The following PPP2R2A variants were observed in gnomAD, a reference collection of about 807,000 sequenced individuals.
The protein encoded by PPP2R2A is protein phosphatase 2 regulatory subunit Balpha.
A neutral mutation model predicts 53.2 loss-of-function variants in PPP2R2A; 9 were observed. The ratio of observed to expected loss-of-function variants is 0.17; its 90% CI spans 0.10 to 0.30. PPP2R2A has a LOEUF of 0.30. PPP2R2A is among the 10% of genes least tolerant of loss of function. The pLI is 1.00. For missense variants in PPP2R2A, 235 were observed against 534.6 expected, an observed-to-expected ratio of 0.44 and a Z score of 5.53; for synonymous variants, 169 against 174.2, an observed-to-expected ratio of 0.97 and a Z score of 0.23.
intron 1 of PPP2R2A, chr8:26,293,269 G>A: frequency 2.6e-6 from 4 of 1,535,144 alleles, no homozygotes; most frequent in Non-Finnish European, 3.5e-6. Context: ...TTTTCTCTTC[G>A]TTCTATGTTT....
At chr8:26,350,203 A>G (rs1437415840) in intron 3 of PPP2R2A, among the ~76,000 whole-genome samples, 1 of 152,108 alleles carries the variant, frequency 6.6e-6, no homozygotes, top group Middle Eastern at 3.2e-3. Flanking sequence ...AGCTGGGATT[A>G]CAGGCATGCA....
At chr8:26,325,455 C>T (rs912588188) in intron 2 of PPP2R2A, among the ~76,000 whole-genome samples, 1 of 152,140 alleles carries the variant, frequency 6.6e-6, no homozygotes, top group Non-Finnish European at 1.5e-5. Context: ...TCTTTTTCTT[C>T]CCAATCTTGG....
rs1805639059 is a variant in PPP2R2A, at chr8:26,370,900, T to A, written c.*487T>A. 1 of 155,876 alleles carries A rather than the reference T, an allele frequency of 6.4e-6. No individual in the cohort carries two copies. The highest frequency in any genetic ancestry group is 2.0e-4 in the South Asian group (1 of 5,060). 9.7% of individuals were successfully genotyped at this position (155,876 alleles called of 1,614,324 possible). A position where few individuals can be genotyped will look rare whatever the true frequency, so the allele number is the denominator to read the frequency against. ...CTCCTCTTCTGGCCTCCTGGACTGC[T>A]CCCCTTCATCTCTTACCCTTGCCCC... On this transcript the variant is annotated 3_prime_UTR_variant, in exon 10 of 10. Transcript: ENST00000380737. The surrounding 1 kb of genome is among the most constrained non-coding windows in gnomAD (Gnocchi z 6.1).
intron 2 of PPP2R2A, among the ~76,000 whole-genome samples, chr8:26,314,755 G>T (rs576199364): frequency 9.2e-5 from 14 of 151,976 alleles, no homozygotes; most frequent in African/African-American, 3.4e-4. Flanking sequence ...TTCATTAATT[G>T]GACTCGTACT....
chr8:26,297,572 C>T (rs907222336), intron 2 of PPP2R2A, among the ~76,000 whole-genome samples: 1 of 152,154 alleles, frequency 6.6e-6, no homozygotes, highest in African/African-American at 2.4e-5. Flanking sequence ...GTTAAGAGCA[C>T]AGACTCAGGT....
rs970813984 is a variant in PPP2R2A, at chr8:26,362,552, A to G, written c.638-132A>G. ...TTTAATCCCTTTGGAATTTATACTC[A>G]TAAAAACAGTGGAGTGCAATTCAGA... On this transcript the variant is annotated intron_variant, in intron 6 of 9. Transcript: ENST00000380737. The surrounding 1 kb of genome is among the most constrained non-coding windows in gnomAD (Gnocchi z 4.4). The G allele has an allele frequency of 2.7e-5, 22 of 826,982 alleles. No homozygotes were observed. Among genetic ancestry groups the G allele is most frequent in the Non-Finnish European group, 3.3e-5 (18 of 540,958 alleles). 51.2% of individuals were successfully genotyped at this position (826,982 alleles called of 1,614,324 possible). A position where few individuals can be genotyped will look rare whatever the true frequency, so the allele number is the denominator to read the frequency against.
intron 3 of PPP2R2A, among the ~76,000 whole-genome samples, chr8:26,351,529 A>G (rs958958493): frequency 2.6e-5 from 4 of 152,228 alleles, no homozygotes; most frequent in African/African-American, 9.6e-5. Context: ...ATCATTGCAG[A>G]AAAGTTCTCT....
chr8:26,320,010 TG>T (rs1802755149), intron 2 of PPP2R2A, among the ~76,000 whole-genome samples: 1 of 152,222 alleles, frequency 6.6e-6, no homozygotes, highest in Non-Finnish European at 1.5e-5. Context: ...TTTTGTGTCC[TG>T]TATCTTTGCC....
intron 3 of PPP2R2A, among the ~76,000 whole-genome samples, chr8:26,352,255 T>C (rs1353406423): frequency 6.6e-6 from 1 of 152,216 alleles, no homozygotes; most frequent in African/African-American, 2.4e-5. Flanking sequence ...GTGTTGAGTA[T>C]GCGGTTATGT....
In PPP2R2A at chr8:26,370,356, T is replaced by C; in HGVS notation, c.1287T>C (p.Asn429=). The C allele has an allele frequency of 1.2e-6, 2 of 1,614,074 alleles. No homozygotes were observed. The highest frequency in any genetic ancestry group is 2.2e-5 in the South Asian group (2 of 91,076). The change falls in exon 10 of 10, where the codon AAT becomes AAC. Residue 429 remains asparagine (N), a synonymous_variant. Transcript: ENST00000380737. This position sits in a 1 kb window ranked among gnomAD's most constrained non-coding sequence, Gnocchi z 6.1. ...ACACAGCCTGGCACCCCAAGGAAAA[T>C]ATCATTGCCGTAGCTACTACAAACA... ...ILHTAWHPKE[N]IIAVATTNNL...
chr8:26,307,512 A>G (rs1802076869), intron 2 of PPP2R2A, among the ~76,000 whole-genome samples: 1 of 152,218 alleles, frequency 6.6e-6, no homozygotes, highest in African/African-American at 2.4e-5. Flanking sequence ...CACCATGTCT[A>G]ATTCTCGACC....
chr8:26,328,767 G>T (rs1803220615), intron 2 of PPP2R2A, among the ~76,000 whole-genome samples: 1 of 152,178 alleles, frequency 6.6e-6, no homozygotes, highest in African/African-American at 2.4e-5. Flanking sequence ...AATAATAGTG[G>T]TTTCCTCAGA....
At chr8:26,328,043 G>A (rs1803184084) in intron 2 of PPP2R2A, among the ~76,000 whole-genome samples, 1 of 152,168 alleles carries the variant, frequency 6.6e-6, no homozygotes, top group African/African-American at 2.4e-5. Context: ...AACAAAACCA[G>A]TGAGTTCCAG....
intron 2 of PPP2R2A, among the ~76,000 whole-genome samples, chr8:26,311,021 A>C (rs182195600): frequency 1.3e-5 from 2 of 152,336 alleles, no homozygotes; most frequent in East Asian, 3.9e-4. Flanking sequence ...AAGACTTCCT[A>C]AATGAAGTGG....
intron 3 of PPP2R2A, among the ~76,000 whole-genome samples, chr8:26,345,531 A>T (rs952968478): frequency 2.0e-5 from 3 of 152,192 alleles, no homozygotes; most frequent in African/African-American, 7.2e-5. Flanking sequence ...TTTTTCTCAC[A>T]TACTGTATAG....
At chr8:26,344,307 AG>A (rs1308364505) in intron 3 of PPP2R2A, among the ~76,000 whole-genome samples, 5 of 152,228 alleles carry the variant, frequency 3.3e-5, no homozygotes, top group Non-Finnish European at 1.5e-5. Context: ...CATTTCCAAG[AG>A]CACCCTGCTA....
chr8:26,313,062 G>A (rs888434362), intron 2 of PPP2R2A, among the ~76,000 whole-genome samples: 5 of 139,878 alleles, frequency 3.6e-5, no homozygotes, highest in African/African-American at 1.3e-4. Flanking sequence ...TTTTTGAGAT[G>A]AAATCTTGTT....
intron 3 of PPP2R2A, among the ~76,000 whole-genome samples, chr8:26,340,176 A>G (rs931126604): frequency 5.9e-5 from 9 of 152,028 alleles, no homozygotes; most frequent in Non-Finnish European, 1.2e-4. Flanking sequence ...CTCGACCATA[A>G]GAATCTTGAC....
chr8:26,355,401 G>A (rs117541722), intron 4 of PPP2R2A, among the ~76,000 whole-genome samples: 12,193 of 152,136 alleles, frequency 0.08, 658 homozygotes, highest in Non-Finnish European at 0.11. Context: ...CACCACACCC[G>A]GCTAATTTTT....
Sources: allele counts gnomAD v4.1 joint callset (sites outside exome capture counted in the v4.1 genomes callset), GRCh38; gene constraint gnomAD v4.1.1; non-coding constraint Gnocchi (gnomAD v3.1); transcripts MANE v1.5; gene names NCBI Gene and HGNC (gene_info 2026-07-23, HGNC 2026-07-21).